NT5DC2: variants seen among roughly 807,000 people sequenced by gnomAD.
NT5DC2 encodes 5'-nucleotidase domain containing 2, also known as 5'-nucleotidase domain-containing protein 2.
In NT5DC2, 41 loss-of-function variants were observed where a neutral mutation model predicts 70.0. The observed-to-expected ratio is 0.59, with a 90% CI of 0.46 to 0.76. NT5DC2 has a LOEUF of 0.76. Among genes scored for constraint, NT5DC2 ranks in the 30% least tolerant of loss-of-function variants. NT5DC2 has a pLI of 0.00. For synonymous variants in NT5DC2, 299 were observed against 310.4 expected (o/e 0.96, Z 0.39); for missense variants, 705 against 783.2 (o/e 0.90, Z 1.19).
In NT5DC2 at chr3:52,524,672, T is replaced by TTGTGGAAGG. The variant is rs2079211151; in HGVS notation, c.1463_1471dup (p.Thr488_His490dup). 6.2e-7 allele frequency: 1 copy of TTGTGGAAGG among 1,612,572 alleles called. No individual in the cohort carries two copies. Among genetic ancestry groups the TTGTGGAAGG allele is most frequent in the Non-Finnish European group, 8.5e-7 (1 of 1,179,944 alleles). ...GAGGCGCCTTGAGAAGTAGGTGGGGTTGTGGAAGGTGCGGAAGATGCTGCC... is the reference window on the plus strand; with the variant it reads ...GAGGCGCCTTGAGAAGTAGGTGGGGTTGTGGAAGGTGTGGAAGGTGCGGAAGATGCTGCC... On this transcript the variant is annotated inframe_insertion, in exon 14 of 14. Coordinates refer to ENST00000422318, the MANE Select transcript of NT5DC2 (RefSeq NM_001134231.2).
At chr3:52,525,679 A>G in intron 10 of NT5DC2, 1 of 197,194 alleles carries the variant, frequency 5.1e-6, no homozygotes, top group Non-Finnish European at 1.0e-5. Context: ...GACCAATGGC[A>G]GACCTCACCG....
upstream of NT5DC2, chr3:52,534,618 T>A: frequency 6.2e-7 from 1 of 1,613,880 alleles, no homozygotes; most frequent in Non-Finnish European, 8.5e-7. Context: ...CCAACAAAAT[T>A]CCTCTTTCCT....
chr3:52,527,920 G>T lies in NT5DC2; in HGVS notation c.844C>A (p.Leu282Met), dbSNP rs2079302330. The change falls in exon 8 of 14, where the codon CTG (leucine) becomes ATG (methionine). Residue 282 changes from leucine to methionine, a missense_variant. Coordinates refer to ENST00000422318, the MANE Select transcript of NT5DC2 (RefSeq NM_001134231.2). ...WIEQDMEKYI[L>M]RGDETFAVLS... ...ACAGCAAACGTCTCATCCCCTCTCA[G>T]GATGTACTTCTCTAATGGGGCAGAT... is the stretch of plus-strand genomic sequence containing the variant. 6.2e-6 allele frequency: 10 copies of T among 1,613,610 alleles called. 1 individual carries two copies. The highest frequency in any genetic ancestry group is 1.6e-4 in the Middle Eastern group (1 of 6,062).
chr3:52,532,239 C>A, intron 1 of NT5DC2: 1 of 985,456 alleles, frequency 1.0e-6, no homozygotes, highest in Non-Finnish European at 1.2e-6. Flanking sequence ...TCCAAAGATG[C>A]AGGCAGGCCC....
rs2079357078 is a variant in NT5DC2, at chr3:52,531,384, T to C, written c.233-2050A>G. 1.3e-5 allele frequency among the ~76,000 whole-genome samples: 2 copies of C among 152,066 alleles called. No individual in the cohort carries two copies. The highest frequency in any genetic ancestry group is 4.1e-4 in the South Asian group (2 of 4,822). On this transcript the variant is annotated intron_variant, in intron 1 of 13. Coordinates refer to ENST00000422318, the MANE Select transcript of NT5DC2 (RefSeq NM_001134231.2). The surrounding 1 kb of genome is among the most constrained non-coding windows in gnomAD (Gnocchi z 4.1). The stretch of plus-strand genomic sequence containing the variant: ...AGGACCCTGGGCCTTGCCCTTCCCA[T>C]GGCCCTGAGTTCCCGGATACCAACT...
At position 52,528,536 on chromosome 3, in the gene NT5DC2, G is replaced by T. The variant is rs375413743; in HGVS notation, c.552C>A (p.Gly184=). 2.7e-6 allele frequency: 4 copies of T among 1,475,144 alleles called. No individual in the cohort carries two copies. The highest frequency in any genetic ancestry group is 3.6e-6 in the Non-Finnish European group (4 of 1,098,818). The allele number at this position is 1,475,144 out of a possible 1,614,324, so 91.4% of individuals were successfully genotyped here. Residue 184 remains glycine, a synonymous_variant, in exon 5 of 14, where the codon GGC becomes GGA. Coordinates refer to ENST00000422318, the MANE Select transcript of NT5DC2 (RefSeq NM_001134231.2). The part of the protein sequence containing the change: ...HYVQLGTAYR[G]LQPVPDEEVI... ...CCTCCTCGTCTGGCACAGGCTGGAG[G>T]CCCCTGAGCAGGCCCAAGATACCAT...
Position 52,528,052 on chromosome 3 carries a change from C to A in NT5DC2, c.793G>T (p.Val265Leu). The change falls in exon 7 of 14, where the codon GTG becomes TTG. Residue 265 changes from valine (V) to leucine (L), a missense_variant. Transcript: ENST00000422318. ...DVTDAIRDVH[V>L]KGLMYQWIEQ... The stretch of plus-strand genomic sequence containing the variant: ...ATCCACTGGTACATGAGGCCCTTCA[C>A]ATGCACGTCTCGGATGGCGTCCTGG... 1 of 1,612,354 alleles carries A rather than the reference C, an allele frequency of 6.2e-7. No individual in the cohort carries two copies. Among genetic ancestry groups the A allele is most frequent in the Middle Eastern group, 1.6e-4 (1 of 6,062 alleles).
Position 52,529,476 on chromosome 3 carries a change from T to C in NT5DC2, c.233-142A>G. ...GCACCTCTTATTCCAGTGCTGGAGATGGTCAAACAGGCCCAGAGAGAAGTC... is the reference window on the plus strand; with the variant it reads ...GCACCTCTTATTCCAGTGCTGGAGACGGTCAAACAGGCCCAGAGAGAAGTC... On this transcript the variant is annotated intron_variant, in intron 1 of 13. Transcript: ENST00000422318. The surrounding 1 kb of genome is among the most constrained non-coding windows in gnomAD (Gnocchi z 4.1). 1 of 787,678 alleles carries C rather than the reference T, an allele frequency of 1.3e-6. No individual in the cohort carries two copies. Among genetic ancestry groups the C allele is most frequent in the South Asian group, 1.7e-5 (1 of 59,364 alleles). The allele number at this position is 787,678 out of a possible 1,614,324, so 48.8% of individuals were successfully genotyped here. A position where few individuals can be genotyped will look rare whatever the true frequency, so the allele number is the denominator to read the frequency against.
chr3:52,524,740 GGA>G lies in NT5DC2; in HGVS notation c.1413-11_1413-10del, dbSNP rs1491157883. 3 of 1,612,674 alleles carry G rather than the reference GGA, an allele frequency of 1.9e-6. No individual in the cohort carries two copies. In the East Asian group the frequency reaches 6.7e-5, roughly 36 times the overall value. ...GGGCCTTGGTGATGCACCTGGCGAG[GGA>G]GACACGATGCGCTCAAGGGGTGGGC... On this transcript the variant is annotated splice_polypyrimidine_tract_variant and intron_variant, in intron 13 of 13. Transcript: ENST00000422318.
At position 52,524,633 on chromosome 3, in the gene NT5DC2, T is replaced by A. The variant is rs1180748657; in HGVS notation, c.1511A>T (p.Asp504Val). Residue 504 changes from aspartate to valine, a missense_variant, in exon 14 of 14, where the codon GAC becomes GTC. Transcript: ENST00000422318. ...GCAGCTGAGGGAGGCCATGTAGAGG[T>A]CAGAGAAGCGCACGAGGCGCCTTGA... The part of the protein sequence containing the change: ...YFSRRLVRFS[D>V]LYMASLSCLL... 1 of 1,612,932 alleles carries A rather than the reference T, an allele frequency of 6.2e-7. No individual in the cohort carries two copies. Among genetic ancestry groups the A allele is most frequent in the Middle Eastern group, 1.6e-4 (1 of 6,062 alleles).
In NT5DC2 at chr3:52,528,030, C is replaced by T. The variant is rs1281887726; in HGVS notation, c.815G>A (p.Trp272Ter). 2 of 1,612,154 alleles carry T rather than the reference C, an allele frequency of 1.2e-6. No individual in the cohort carries two copies. The highest frequency in any genetic ancestry group is 1.7e-6 in the Non-Finnish European group (2 of 1,179,478). Residue 272 changes from tryptophan (W) to a stop codon, truncating the protein, a stop_gained, in exon 7 of 14, where the codon TGG becomes TAG. Transcript: ENST00000422318. LOFTEE classifies it high-confidence loss of function. The part of the protein sequence containing the change: ...DVHVKGLMYQ[W>*]IEQDMEKYIL... ...ACACTTACCCATGTCCTGCTCGATC[C>T]ACTGGTACATGAGGCCCTTCACATG... is the stretch of plus-strand genomic sequence containing the variant.
Position 52,528,176 on chromosome 3 carries a change from T to A in NT5DC2, c.771+7A>T. On this transcript the variant is annotated splice_region_variant and intron_variant, in intron 6 of 13. Coordinates refer to ENST00000422318, the MANE Select transcript of NT5DC2 (RefSeq NM_001134231.2). ...CTGCCATCCGAGGGCAGGCCCAGCATCCTCACCGTCACGTCCTTGTAGAGA... is the reference window on the plus strand; with the variant it reads ...CTGCCATCCGAGGGCAGGCCCAGCAACCTCACCGTCACGTCCTTGTAGAGA... The A allele has an allele frequency of 6.2e-7, 1 of 1,613,102 alleles. No homozygotes were observed. The highest frequency in any genetic ancestry group is 8.5e-7 in the Non-Finnish European group (1 of 1,180,024).
At chr3:52,528,616 G>GCCC in intron 4 of NT5DC2, 21 bp downstream of exon 4, 1 of 680,194 alleles carries the variant, frequency 1.5e-6, no homozygotes, top group Non-Finnish European at 2.4e-6. Flanking sequence ...CGGGGGTGGG[G>GCCC]TTGGGGCAGA....
chr3:52,529,510 A>G lies in NT5DC2; in HGVS notation c.233-176T>C, dbSNP rs1244581843. On this transcript the variant is annotated intron_variant, in intron 1 of 13. Transcript: ENST00000422318. This position sits in a 1 kb window ranked among gnomAD's most constrained non-coding sequence, Gnocchi z 4.1. ...AGGCCCAGAGAGAAGTCACTTGCCC[A>G]GGGTCACGCAGTTAGGGTAAGGCAG... Among the ~76,000 whole-genome samples the G allele has an allele frequency of 2.6e-5, 4 of 152,090 alleles. No homozygotes were observed. Among genetic ancestry groups the G allele is most frequent in the African/African-American group, 9.7e-5 (4 of 41,370 alleles).
At chr3:52,526,898 A>G (rs1455092585) in intron 10 of NT5DC2, among the ~76,000 whole-genome samples, 1 of 152,202 alleles carries the variant, frequency 6.6e-6, no homozygotes, top group Admixed American at 6.5e-5. Context: ...TGAGCTCAAC[A>G]AACTATCCTG....
At chr3:52,534,534 C>T (rs776843606), upstream of NT5DC2, 21 of 1,613,180 alleles carry the variant, frequency 1.3e-5, no homozygotes, top group Non-Finnish European at 1.5e-5. Flanking sequence ...CGCACTGACC[C>T]GTCAACTCCC....
chr3:52,534,526 C>T (rs747163507), upstream of NT5DC2: 8 of 1,613,024 alleles, frequency 5.0e-6, no homozygotes, highest in Non-Finnish European at 6.8e-6. Context: ...CAACTGGCCG[C>T]ACTGACCCGT....
rs370809301 is a variant in NT5DC2 at position 52,527,910 on chromosome 3, T to C, written c.854A>G (p.Asp285Gly). The stretch of plus-strand genomic sequence containing the variant: ...GCGGCTCAGGACAGCAAACGTCTCA[T>C]CCCCTCTCAGGATGTACTTCTCTAA... ...QDMEKYILRGDETFAVLSRLV... is the reference protein window; with the variant it reads ...QDMEKYILRGGETFAVLSRLV... Residue 285 changes from aspartate (D) to glycine (G), a missense_variant, in exon 8 of 14, where the codon GAT (aspartate) becomes GGT (glycine). Coordinates refer to ENST00000422318, the MANE Select transcript of NT5DC2 (RefSeq NM_001134231.2). 2 of 1,613,512 alleles carry C rather than the reference T, an allele frequency of 1.2e-6. No individual in the cohort carries two copies. Among genetic ancestry groups the C allele is most frequent in the African/African-American group, 1.3e-5 (1 of 75,040 alleles).
rs1194656175 is a variant in NT5DC2 at position 52,532,655 on chromosome 3, T to C, written c.232+851A>G. On this transcript the variant is annotated intron_variant, in intron 1 of 13. Coordinates refer to ENST00000422318, the MANE Select transcript of NT5DC2 (RefSeq NM_001134231.2). ...CCTGGTTCCAGTCATCACCCAACCC[T>C]GGGACAGAGAGGCCCCAGGACTGCG... The C allele has an allele frequency of 2.5e-5, 6 of 237,270 alleles. 1 individual carries two copies. The East Asian group carries it at 1.1e-3, about 43-fold the overall frequency. 14.7% of individuals were successfully genotyped at this position (237,270 alleles called of 1,614,324 possible).
Sources: allele counts gnomAD v4.1 joint callset (sites outside exome capture counted in the v4.1 genomes callset), GRCh38; gene constraint gnomAD v4.1.1; non-coding constraint Gnocchi (gnomAD v3.1); transcripts MANE v1.5; gene names NCBI Gene and HGNC (gene_info 2026-07-23, HGNC 2026-07-21).